The following TRPC6 variants were observed in gnomAD, a reference collection of about 807,000 sequenced individuals.
The protein encoded by TRPC6 is transient receptor potential cation channel subfamily C member 6, also known as short transient receptor potential channel 6.
TRPC6 carries 55 observed loss-of-function variants against 90.7 expected under a neutral mutation model. That is an observed-to-expected ratio of 0.61 (90% confidence interval 0.49 to 0.76). TRPC6 has a LOEUF of 0.76. Ranked by LOEUF, TRPC6 falls within the 30% of genes least tolerant of loss-of-function variation. TRPC6 has a pLI of 0.00. For missense variants in TRPC6, 989 were observed against 1,122.7 expected (o/e 0.88, Z 1.70); for synonymous variants, 393 against 393.0 (o/e 1.00, Z 0.00).
At chr11:101,491,836 CTTT>C (rs71056611) in intron 2 of TRPC6, 98 bp from the exon 3 acceptor site, 8,667 of 439,030 alleles carry the variant, frequency 0.02, no homozygotes, top group East Asian at 0.035. Flanking sequence ...GAGAAACATT[CTTT>C]TTTTTTTTTT....
chr11:101,466,407 A>G (rs541563159), intron 10 of TRPC6, among the ~76,000 whole-genome samples: 1 of 152,350 alleles, frequency 6.6e-6, no homozygotes, highest in Admixed American at 6.5e-5. Flanking sequence ...TCTGCTGCCC[A>G]GAGAGGAGAA....
chr11:101,521,353 G>A (rs1377666256), intron 1 of TRPC6, among the ~76,000 whole-genome samples: 1 of 152,148 alleles, frequency 6.6e-6, no homozygotes. Context: ...CATAAGCCTT[G>A]GTGGCTTCCA....
At chr11:101,469,102 T>C (rs1379078619) in intron 10 of TRPC6, among the ~76,000 whole-genome samples, 6 of 152,218 alleles carry the variant, frequency 3.9e-5, no homozygotes, top group African/African-American at 1.4e-4. Flanking sequence ...CTACCTGAGC[T>C]GCAAAGAGTG....
chr11:101,517,156 C>A (rs907329157), intron 1 of TRPC6, among the ~76,000 whole-genome samples: 2 of 152,124 alleles, frequency 1.3e-5, no homozygotes, highest in Non-Finnish European at 2.9e-5. Context: ...CCTCTACTTA[C>A]AATAGTATGT....
At chr11:101,509,013 G>A (rs1860337424) in intron 1 of TRPC6, among the ~76,000 whole-genome samples, 1 of 151,780 alleles carries the variant, frequency 6.6e-6, no homozygotes, top group South Asian at 2.1e-4. Flanking sequence ...CACATATATA[G>A]CACTTATAAA....
rs75591943 is a variant in TRPC6 at position 101,472,747 on chromosome 11, A to T, written c.2010-415T>A. On this transcript the variant is annotated intron_variant, in intron 7 of 12. Transcript: ENST00000344327. Reference sequence around the variant, plus strand: ...ATGGAAAATACAATATAAACAGACAATGTTACCAAAATCACTGACATGTCT... The same window carrying T: ...ATGGAAAATACAATATAAACAGACATTGTTACCAAAATCACTGACATGTCT... Among the ~76,000 whole-genome samples the T allele has an allele frequency of 4.4e-3, 665 of 152,266 alleles. 9 individuals carry two copies. The highest frequency in any genetic ancestry group is 0.015 in the African/African-American group (643 of 41,570).
chr11:101,498,513 A>C (rs10791483), intron 2 of TRPC6, among the ~76,000 whole-genome samples: 71,282 of 151,728 alleles, frequency 0.47, 17,231 homozygotes, highest in African/African-American at 0.58. Flanking sequence ...TTAGGCCTAG[A>C]AGGTTCAAGG....
At position 101,575,230 on chromosome 11, in the gene TRPC6, T is replaced by C. The variant is rs184399428; in HGVS notation, c.170+8104A>G. ...TGGCAATGAAAAGTAAAAGAAAGCC[T>C]TGCCTTTTGCAATCTTTAGTCATGA... is the stretch of plus-strand genomic sequence containing the variant. On this transcript the variant is annotated intron_variant, in intron 1 of 12. Transcript: ENST00000344327. Among the ~76,000 whole-genome samples, 418 of 152,354 alleles carry C rather than the reference T, an allele frequency of 2.7e-3. 3 individuals are homozygous for C. Among genetic ancestry groups the C allele is most frequent in the African/African-American group, 9.6e-3 (401 of 41,596 alleles).
intron 4 of TRPC6, among the ~76,000 whole-genome samples, chr11:101,486,183 T>C (rs1364862369): frequency 6.6e-6 from 1 of 152,158 alleles, no homozygotes; most frequent in East Asian, 1.9e-4. Context: ...CCTTTATTTT[T>C]CTTACAAAAG....
intron 1 of TRPC6, among the ~76,000 whole-genome samples, chr11:101,526,671 G>C (rs796494067): frequency 1.3e-5 from 2 of 151,598 alleles, no homozygotes; most frequent in Admixed American, 1.3e-4. Flanking sequence ...GACCAGTGTG[G>C]CCAACACAGT....
In TRPC6 at chr11:101,473,671, G is replaced by A. The variant is rs1859346598; in HGVS notation, c.1847C>T (p.Ala616Val). ...CTGCAGAGGTCCAAAGCTTTCATTT[G>A]CTGGTAAAATATAAGCTATCCTAGA... ...SFSRIAYILP[A>V]NESFGPLQIS... The change falls in exon 7 of 13, where the codon GCA (alanine) becomes GTA (valine). Residue 616 changes from alanine (A) to valine (V), a missense_variant. This residue lies in a region of TRPC6 where 118 missense variants were observed against 197.6 expected (regional missense o/e 0.60). Coordinates refer to ENST00000344327, the MANE Select transcript of TRPC6 (RefSeq NM_004621.6). The A allele has an allele frequency of 2.5e-6, 4 of 1,613,738 alleles. No homozygotes were observed. The highest frequency in any genetic ancestry group is 3.4e-6 in the Non-Finnish European group (4 of 1,179,786).
At chr11:101,507,079 C>G (rs769485586) in intron 1 of TRPC6, among the ~76,000 whole-genome samples, 2 of 150,390 alleles carry the variant, frequency 1.3e-5, no homozygotes, top group South Asian at 4.2e-4. Flanking sequence ...CTTATCATTC[C>G]AGAATTGTTA....
intron 1 of TRPC6, among the ~76,000 whole-genome samples, chr11:101,514,772 G>A (rs1295642871): frequency 6.6e-6 from 1 of 152,128 alleles, no homozygotes. Flanking sequence ...TGCCCCAAAA[G>A]GTTTTGTTCT....
At chr11:101,577,030 A>T (rs978645090) in intron 1 of TRPC6, among the ~76,000 whole-genome samples, 7 of 152,148 alleles carry the variant, frequency 4.6e-5, no homozygotes, top group Admixed American at 1.3e-4. Context: ...GTCATCAGCT[A>T]TGAGACCCAC....
At chr11:101,560,216 C>T (rs1336395991) in intron 1 of TRPC6, among the ~76,000 whole-genome samples, 2 of 151,872 alleles carry the variant, frequency 1.3e-5, no homozygotes, top group Admixed American at 6.6e-5. Context: ...TGGGTGAGCC[C>T]GTTATATACT....
At chr11:101,542,667 A>T (rs1426441387) in intron 1 of TRPC6, among the ~76,000 whole-genome samples, 1 of 151,944 alleles carries the variant, frequency 6.6e-6, no homozygotes, top group Non-Finnish European at 1.5e-5. Context: ...AAATAAGCAT[A>T]ATTTGCCATT....
At chr11:101,498,333 T>C (rs1027619163) in intron 2 of TRPC6, among the ~76,000 whole-genome samples, 1 of 152,144 alleles carries the variant, frequency 6.6e-6, no homozygotes, top group Non-Finnish European at 1.5e-5. Flanking sequence ...TGGGTAAAAA[T>C]TGTATTAATG....
intron 11 of TRPC6, among the ~76,000 whole-genome samples, chr11:101,454,139 C>G (rs555871013): frequency 2.4e-4 from 36 of 152,194 alleles, no homozygotes; most frequent in African/African-American, 7.7e-4. Flanking sequence ...AAAATGGAAC[C>G]AATTTTTATT....
Position 101,471,268 on chromosome 11 carries a change from T to G in TRPC6, c.2324A>C (p.Tyr775Ser), listed in dbSNP as rs761679913. 3 of 1,613,998 alleles carry G rather than the reference T, an allele frequency of 1.9e-6. No individual in the cohort carries two copies. The Admixed American group carries it at 5.0e-5, about 27-fold the overall frequency. ...CCATTTTTTAAGCTTCAGTAAGAGATAAAACAGGGACTTTGGACTCGGCAC... is the reference window on the plus strand; with the variant it reads ...CCATTTTTTAAGCTTCAGTAAGAGAGAAAACAGGGACTTTGGACTCGGCAC... ...NLVPSPKSLF[Y>S]LLLKLKKWIS... The change falls in exon 9 of 13, where the codon TAT becomes TCT. Residue 775 changes from tyrosine to serine, a missense_variant. Coordinates refer to ENST00000344327, the MANE Select transcript of TRPC6 (RefSeq NM_004621.6).
Sources: gnomAD v4.1 joint callset for allele counts (sites outside exome capture counted in the v4.1 genomes callset) on GRCh38, gnomAD v4.1.1 for gene constraint, gnomAD v4.1.1 regional missense constraint, MANE v1.5 for transcripts, NCBI Gene and HGNC (gene_info 2026-07-23, HGNC 2026-07-21) for gene names.